The following EXOC4 variants were observed in gnomAD, a reference collection of about 807,000 sequenced individuals.
EXOC4 encodes SEC8-like 1.
Under a neutral mutation model 107.2 loss-of-function variants are expected in EXOC4, and 71 were observed. That is an observed-to-expected ratio of 0.66 (90% confidence interval 0.55 to 0.81). The LOEUF (loss-of-function observed/expected upper bound fraction) is 0.81, where lower values mean the gene tolerates loss of function less well. Among genes scored for constraint, EXOC4 ranks in the 30% least tolerant of loss-of-function variants. The pLI is 0.00. For missense variants in EXOC4, 1,108 were observed against 1,189.6 expected, an observed-to-expected ratio of 0.93 and a Z score of 1.01; for synonymous variants, 456 against 441.2, an observed-to-expected ratio of 1.03 and a Z score of -0.42.
At chr7:133,624,433 A>T (rs1055548017) in intron 9 of EXOC4, among the ~76,000 whole-genome samples, 1 of 152,128 alleles carries the variant, frequency 6.6e-6, no homozygotes, top group Admixed American at 6.6e-5. Context: ...AAAATAAAAG[A>T]TGAACCAGGT....
Position 134,065,577 on chromosome 7 carries a change from A to C in EXOC4, c.*1049A>C, listed in dbSNP as rs1164011036. ...CTGCCCATGGTTCATAGGTCATAGA[A>C]GGCAGCAATGCACTGACTGGGCCAC... On this transcript the variant is annotated 3_prime_UTR_variant, in exon 18 of 18. Transcript: ENST00000253861. 6.6e-6 allele frequency: 1 copy of C among 152,254 alleles called. No homozygotes were observed. The highest frequency in any genetic ancestry group is 1.5e-5 in the Non-Finnish European group (1 of 68,106). The allele number at this position is 152,254 out of a possible 1,614,324, so 9.4% of individuals were successfully genotyped here.
intron 11 of EXOC4, among the ~76,000 whole-genome samples, chr7:133,871,644 T>C (rs1191095836): frequency 6.6e-6 from 1 of 152,126 alleles, no homozygotes; most frequent in Admixed American, 6.6e-5. Flanking sequence ...TCCCTCTGTT[T>C]CCACTTCCCA....
At chr7:133,840,717 G>T (rs12707123) in intron 11 of EXOC4, among the ~76,000 whole-genome samples, 1 of 151,580 alleles carries the variant, frequency 6.6e-6, no homozygotes, top group Non-Finnish European at 1.5e-5. Context: ...TCCTGGCCTC[G>T]CGATCCACCT....
intron 9 of EXOC4, among the ~76,000 whole-genome samples, chr7:133,537,092 T>C (rs892796097): frequency 1.3e-5 from 2 of 152,210 alleles, no homozygotes; most frequent in Admixed American, 6.5e-5. Context: ...AGATGTGCTA[T>C]ATCCTTAGCC....
At chr7:133,650,305 C>T (rs569369026) in intron 10 of EXOC4, among the ~76,000 whole-genome samples, 5 of 151,758 alleles carry the variant, frequency 3.3e-5, no homozygotes, top group Admixed American at 6.6e-5. Context: ...TATCTGGCAC[C>T]GAGAAGGAAA....
chr7:133,497,603 G>A (rs1799502664), intron 9 of EXOC4, among the ~76,000 whole-genome samples: 1 of 151,988 alleles, frequency 6.6e-6, no homozygotes, highest in Admixed American at 6.6e-5. Context: ...GCTAACTTTT[G>A]TATTTTTAGT....
intron 11 of EXOC4, among the ~76,000 whole-genome samples, chr7:133,874,984 C>A (rs1158782748): frequency 1.3e-5 from 2 of 152,188 alleles, no homozygotes; most frequent in African/African-American, 4.8e-5. Flanking sequence ...GTCTAAATAA[C>A]ATTGCTACAT....
chr7:134,084,435 C>A, the EXOC4 span, among the ~76,000 whole-genome samples: 5 of 152,114 alleles, frequency 3.3e-5, no homozygotes, highest in African/African-American at 1.2e-4. Context: ...GGGGCACCAT[C>A]AAGGCAAGGA....
chr7:133,830,671 CAA>C (rs1257102857), intron 11 of EXOC4, among the ~76,000 whole-genome samples: 2 of 152,134 alleles, frequency 1.3e-5, no homozygotes, highest in Non-Finnish European at 2.9e-5. Context: ...AAAGACAGTA[CAA>C]AGAGTTCCCA....
intron 7 of EXOC4, among the ~76,000 whole-genome samples, chr7:133,393,668 C>T (rs934377216): frequency 6.6e-6 from 1 of 152,120 alleles, no homozygotes; most frequent in African/African-American, 2.4e-5. Flanking sequence ...AGTTCTGCCA[C>T]GTGGGGTTAC....
chr7:133,395,382 T>C (rs1796948318), intron 7 of EXOC4, among the ~76,000 whole-genome samples: 1 of 152,144 alleles, frequency 6.6e-6, no homozygotes, highest in South Asian at 2.1e-4. Context: ...TGAAGAATGA[T>C]GCCCTTTTCT....
At chr7:133,843,417 C>G (rs1003130090) in intron 11 of EXOC4, among the ~76,000 whole-genome samples, 1 of 152,054 alleles carries the variant, frequency 6.6e-6, no homozygotes, top group Non-Finnish European at 1.5e-5. Flanking sequence ...GTATTGTATT[C>G]TTTTTGTGGC....
chr7:133,877,494 C>T (rs1405979740), intron 11 of EXOC4, among the ~76,000 whole-genome samples: 1 of 152,096 alleles, frequency 6.6e-6, no homozygotes, highest in African/African-American at 2.4e-5. Context: ...TCCAGAGTAG[C>T]TTTTACTCTA....
At chr7:133,399,954 C>A (rs918549825) in intron 7 of EXOC4, among the ~76,000 whole-genome samples, 1 of 152,194 alleles carries the variant, frequency 6.6e-6, no homozygotes, top group African/African-American at 2.4e-5. Context: ...GGTCAGATAT[C>A]TAAGGACTTT....
chr7:134,015,752 G>A (rs781751668), intron 17 of EXOC4, among the ~76,000 whole-genome samples: 1 of 151,964 alleles, frequency 6.6e-6, no homozygotes, highest in African/African-American at 2.4e-5. Context: ...GCACGTGCCT[G>A]TAATCCCAGC....
intron 16 of EXOC4, among the ~76,000 whole-genome samples, chr7:134,005,592 G>A (rs566381833): frequency 1.2e-4 from 19 of 152,294 alleles, no homozygotes; most frequent in Non-Finnish European, 2.5e-4. Context: ...AGGCAAGGAA[G>A]GGTGTGAGAG....
At chr7:133,747,236 A>G (rs1795695331) in intron 10 of EXOC4, among the ~76,000 whole-genome samples, 1 of 152,200 alleles carries the variant, frequency 6.6e-6, no homozygotes, top group Admixed American at 6.6e-5. Flanking sequence ...TTTCTGAAAT[A>G]CCATGCTATT....
chr7:134,097,548 C>T, the EXOC4 span, among the ~76,000 whole-genome samples: 12 of 152,140 alleles, frequency 7.9e-5, no homozygotes, highest in African/African-American at 2.9e-4. Flanking sequence ...CTCCTTGGTT[C>T]ACGCTAATGG....
chr7:133,429,385 C>T (rs1005960970), intron 7 of EXOC4, among the ~76,000 whole-genome samples: 2 of 151,974 alleles, frequency 1.3e-5, no homozygotes, highest in South Asian at 2.1e-4. Flanking sequence ...GATTCTGTTA[C>T]GTATTAGGAC....
Sources: gnomAD v4.1 joint callset for allele counts (sites outside exome capture counted in the v4.1 genomes callset) on GRCh38, gnomAD v4.1.1 for gene constraint, MANE v1.5 for transcripts, NCBI Gene and HGNC (gene_info 2026-07-23, HGNC 2026-07-21) for gene names.